Variants in ELMO1 observed in about 807,000 individuals in gnomAD.
ELMO1 encodes the protein engulfment and cell motility 1.
A neutral mutation model predicts 98.9 loss-of-function variants in ELMO1; 26 were observed. The observed-to-expected ratio is 0.26, with a 90% CI of 0.19 to 0.36. The LOEUF (loss-of-function observed/expected upper bound fraction) is 0.36. Ranked by LOEUF, ELMO1 falls within the 10% of genes least tolerant of loss-of-function variation. The probability of loss-of-function intolerance (pLI) is 1.00; values close to 1 mark genes in which losing one functional copy is unlikely to be tolerated. For missense variants in ELMO1, 627 were observed against 935.2 expected, an observed-to-expected ratio of 0.67 and a Z score of 4.30; for synonymous variants, 346 against 346.0, an observed-to-expected ratio of 1.00 and a Z score of 0.00.
rs1804580394 is a variant in ELMO1 at position 37,423,666 on chromosome 7, T to A, written c.-74+25009A>T. On this transcript the variant is annotated intron_variant, in intron 1 of 21. Coordinates refer to ENST00000310758, the MANE Select transcript of ELMO1 (RefSeq NM_014800.11). ...TTTGAAACATTGATTCTTATTTTTT[T>A]TATATATGTGTTTGTCTCTTTTCTG... is the stretch of plus-strand genomic sequence containing the variant. 2.0e-5 allele frequency among the ~76,000 whole-genome samples: 3 copies of A among 152,294 alleles called. No homozygotes were observed. The South Asian group carries it at 6.2e-4, about 32-fold the overall frequency.
intron 15 of ELMO1, among the ~76,000 whole-genome samples, chr7:37,043,639 G>A (rs949198571): frequency 1.3e-5 from 2 of 152,112 alleles, no homozygotes; most frequent in Non-Finnish European, 2.9e-5. Flanking sequence ...TAATGTCTGG[G>A]CCTATCCCAG....
intron 19 of ELMO1, among the ~76,000 whole-genome samples, chr7:36,873,604 G>A (rs1212222302): frequency 6.6e-6 from 1 of 152,194 alleles, no homozygotes; most frequent in African/African-American, 2.4e-5. Flanking sequence ...ACACAGCTAG[G>A]TTAGTAGGTG....
intron 15 of ELMO1, among the ~76,000 whole-genome samples, chr7:37,015,726 G>T (rs532781845): frequency 2.0e-5 from 3 of 152,208 alleles, no homozygotes; most frequent in Non-Finnish European, 4.4e-5. Context: ...AGTTAACACC[G>T]ATATGGAGGG....
chr7:37,183,503 G>C (rs185931246), intron 13 of ELMO1, among the ~76,000 whole-genome samples: 2 of 152,230 alleles, frequency 1.3e-5, no homozygotes, highest in Admixed American at 6.5e-5. Flanking sequence ...ACTTTTATCA[G>C]GGGAAGAGAT....
At chr7:37,032,116 C>A (rs1462335292) in intron 15 of ELMO1, among the ~76,000 whole-genome samples, 1 of 152,166 alleles carries the variant, frequency 6.6e-6, no homozygotes, top group Non-Finnish European at 1.5e-5. Flanking sequence ...TTAGAGTGCA[C>A]CCCTACTGAT....
intron 1 of ELMO1, among the ~76,000 whole-genome samples, chr7:37,442,826 G>A (rs998627330): frequency 6.6e-6 from 1 of 152,176 alleles, no homozygotes; most frequent in Admixed American, 6.5e-5. Flanking sequence ...AGCTCCACAT[G>A]GCATCCTGGC....
chr7:37,154,660 T>G (rs185712934), intron 13 of ELMO1, among the ~76,000 whole-genome samples: 4 of 152,178 alleles, frequency 2.6e-5, no homozygotes, highest in Admixed American at 2.6e-4. Flanking sequence ...AATACGGGAC[T>G]ATGTGAAAGA....
chr7:37,051,014 A>G (rs1796083180), intron 15 of ELMO1, among the ~76,000 whole-genome samples: 1 of 152,208 alleles, frequency 6.6e-6, no homozygotes, highest in African/African-American at 2.4e-5. Context: ...AAACTATGGT[A>G]TTTCCCATAA....
intron 14 of ELMO1, among the ~76,000 whole-genome samples, chr7:37,097,185 T>C (rs540952658): frequency 1.3e-3 from 205 of 152,296 alleles, no homozygotes; most frequent in Admixed American, 2.8e-3. Flanking sequence ...GAATAAATCA[T>C]GCCTGGAAAA....
intron 17 of ELMO1, among the ~76,000 whole-genome samples, chr7:36,890,005 AG>A (rs1159405842): frequency 6.6e-6 from 1 of 152,224 alleles, no homozygotes; most frequent in African/African-American, 2.4e-5. Flanking sequence ...ATACACATTA[AG>A]AAAACATAAG....
intron 15 of ELMO1, among the ~76,000 whole-genome samples, chr7:37,038,602 G>A (rs370862170): frequency 2.0e-4 from 30 of 152,250 alleles, no homozygotes; most frequent in African/African-American, 6.3e-4. Flanking sequence ...GAAATGAAAA[G>A]GTATGACAAG....
At chr7:37,404,747 CT>C (rs1194655848) in intron 1 of ELMO1, among the ~76,000 whole-genome samples, 5 of 152,218 alleles carry the variant, frequency 3.3e-5, no homozygotes, top group South Asian at 2.1e-4. Context: ...TTTCCTGGAT[CT>C]TTTTTTCCAT....
At chr7:37,125,051 A>T (rs2129291507) in intron 14 of ELMO1, among the ~76,000 whole-genome samples, 1 of 152,356 alleles carries the variant, frequency 6.6e-6, no homozygotes, top group Non-Finnish European at 1.5e-5. Flanking sequence ...TTCCCTATTT[A>T]ACAAATGGTG....
intron 2 of ELMO1, among the ~76,000 whole-genome samples, chr7:37,324,685 G>C (rs2131161488): frequency 6.6e-6 from 1 of 152,242 alleles, no homozygotes; most frequent in Middle Eastern, 3.4e-3. Context: ...GGGTTTAAGG[G>C]ATTCTCCTGT....
intron 1 of ELMO1, among the ~76,000 whole-genome samples, chr7:37,379,943 C>T (rs1196886285): frequency 1.3e-5 from 2 of 152,288 alleles, no homozygotes; most frequent in Non-Finnish European, 2.9e-5. Flanking sequence ...GAGCCTTTTC[C>T]ACCTCGTTTT....
intron 16 of ELMO1, among the ~76,000 whole-genome samples, chr7:36,978,931 G>A (rs1449308511): frequency 6.6e-6 from 1 of 152,172 alleles, no homozygotes; most frequent in Non-Finnish European, 1.5e-5. Flanking sequence ...ATTAATAAAT[G>A]TGCTCTCTAA....
At chr7:36,936,625 T>C (rs1786555772) in intron 16 of ELMO1, among the ~76,000 whole-genome samples, 1 of 152,094 alleles carries the variant, frequency 6.6e-6, no homozygotes, top group Non-Finnish European at 1.5e-5. Context: ...GCCTGGCTAA[T>C]TTTTGTATTT....
chr7:37,031,301 A>C (rs1451362571), intron 15 of ELMO1, among the ~76,000 whole-genome samples: 1 of 152,230 alleles, frequency 6.6e-6, no homozygotes, highest in Non-Finnish European at 1.5e-5. Flanking sequence ...GCCCTGAATG[A>C]GATGGTTTCT....
At chr7:36,944,435 T>G (rs1002674763) in intron 16 of ELMO1, among the ~76,000 whole-genome samples, 19 of 152,222 alleles carry the variant, frequency 1.2e-4, no homozygotes, top group African/African-American at 4.6e-4. Flanking sequence ...AAAGTCTGCT[T>G]GATTTCAAAG....
Sources: allele counts gnomAD v4.1 joint callset (sites outside exome capture counted in the v4.1 genomes callset), GRCh38; gene constraint gnomAD v4.1.1; transcripts MANE v1.5; gene names NCBI Gene and HGNC (gene_info 2026-07-23, HGNC 2026-07-21).